The following R3HCC1L variants were observed in gnomAD, a reference collection of about 807,000 sequenced individuals.
The protein encoded by R3HCC1L is coiled-coil domain-containing protein R3HCC1L.
Under a neutral mutation model 59.9 loss-of-function variants are expected in R3HCC1L, and 51 were observed. The observed-to-expected ratio is 0.85, with a 90% confidence interval of 0.68 to 1.07. The LOEUF is 1.07. R3HCC1L is among the 50% of genes least tolerant of loss of function. The pLI is 0.00. For missense variants in R3HCC1L, 965 were observed against 933.0 expected (o/e 1.03, Z -0.45); for synonymous variants, 322 against 315.2 (o/e 1.02, Z -0.23).
chr10:98,158,342 A>G (rs1440472494), intron 2 of R3HCC1L, among the ~76,000 whole-genome samples: 1 of 152,202 alleles, frequency 6.6e-6, no homozygotes, highest in South Asian at 2.1e-4. Flanking sequence ...AATAATATCT[A>G]ACTCCCATTT....
chr10:98,188,841 T>C (rs920395165), intron 4 of R3HCC1L, among the ~76,000 whole-genome samples: 1 of 152,218 alleles, frequency 6.6e-6, no homozygotes, highest in African/African-American at 2.4e-5. Context: ...TGCCATATTC[T>C]AGTCCTTTGG....
chr10:98,207,914 C>A (rs1364508790), intron 4 of R3HCC1L, among the ~76,000 whole-genome samples, 187 bp from the exon 5 acceptor site: 1 of 152,080 alleles, frequency 6.6e-6, no homozygotes, highest in African/African-American at 2.4e-5. Context: ...GTCCTAGCTA[C>A]TCAGGAGGCA....
intron 5 of R3HCC1L, among the ~76,000 whole-genome samples, chr10:98,230,839 A>T (rs1856290110): frequency 6.6e-6 from 1 of 152,052 alleles, no homozygotes; most frequent in Admixed American, 6.6e-5. Context: ...TTCCAGTGTG[A>T]AGTTCAGCTT....
chr10:98,160,221 T>C (rs891679751), intron 2 of R3HCC1L, among the ~76,000 whole-genome samples: 9 of 152,226 alleles, frequency 5.9e-5, no homozygotes, highest in African/African-American at 1.7e-4. Flanking sequence ...AATGTTTGTT[T>C]ATAGTGTTTT....
At chr10:98,197,457 T>A (rs1851564270) in intron 4 of R3HCC1L, among the ~76,000 whole-genome samples, 1 of 152,220 alleles carries the variant, frequency 6.6e-6, no homozygotes, top group Non-Finnish European at 1.5e-5. Flanking sequence ...TGCTCCATTT[T>A]ACTCTGTAGC....
intron 4 of R3HCC1L, among the ~76,000 whole-genome samples, chr10:98,181,143 A>G (rs1381975792): frequency 6.6e-6 from 1 of 150,538 alleles, no homozygotes; most frequent in Non-Finnish European, 1.5e-5. Flanking sequence ...TCTTCCTAGC[A>G]TTGATGTTTT....
intron 5 of R3HCC1L, chr10:98,211,170 C>G (rs1853524079): frequency 1.8e-6 from 1 of 566,700 alleles, no homozygotes; most frequent in African/African-American, 1.9e-5. Context: ...TGTGTTTTTT[C>G]ATAGCTTTCA....
chr10:98,202,215 A>T (rs1021860921), intron 4 of R3HCC1L, among the ~76,000 whole-genome samples: 2 of 152,174 alleles, frequency 1.3e-5, no homozygotes, highest in Admixed American at 1.3e-4. Flanking sequence ...TGCAACCATC[A>T]CAGTAAAGAT....
At chr10:98,161,322 C>T (rs1250828683) in intron 2 of R3HCC1L, among the ~76,000 whole-genome samples, 1 of 152,066 alleles carries the variant, frequency 6.6e-6, no homozygotes, top group East Asian at 1.9e-4. Flanking sequence ...ATTTTTATAT[C>T]TTTTTGTGTG....
intron 2 of R3HCC1L, among the ~76,000 whole-genome samples, chr10:98,157,485 G>T (rs1462217968): frequency 6.6e-6 from 1 of 152,174 alleles, no homozygotes; most frequent in African/African-American, 2.4e-5. Context: ...TCTCAGGATC[G>T]CTCCTTTCAC....
rs7894300 is a variant in R3HCC1L, at chr10:98,214,902, C to T, written c.1785+5003C>T. On this transcript the variant is annotated intron_variant, in intron 5 of 9. Coordinates refer to ENST00000298999, the MANE Select transcript of R3HCC1L (RefSeq NM_001351015.2). Reference sequence around the variant, plus strand: ...ATCAACTCCTTAAACATTGATTTAGCGGTCTAGTCTAGCTCTAGTCTAGTC... The same window carrying T: ...ATCAACTCCTTAAACATTGATTTAGTGGTCTAGTCTAGCTCTAGTCTAGTC... Among the ~76,000 whole-genome samples, 1,042 of 152,248 alleles carry T rather than the reference C, an allele frequency of 6.8e-3. 17 individuals are homozygous for T. Among genetic ancestry groups the T allele is most frequent in the African/African-American group, 0.023 (944 of 41,548 alleles).
At chr10:98,160,538 A>T (rs570832753) in intron 2 of R3HCC1L, among the ~76,000 whole-genome samples, 19 of 152,342 alleles carry the variant, frequency 1.2e-4, no homozygotes, top group African/African-American at 4.3e-4. Flanking sequence ...CTGATATAAA[A>T]ACCGTGTTCA....
At chr10:98,203,689 T>C (rs1378744648) in intron 4 of R3HCC1L, among the ~76,000 whole-genome samples, 1 of 152,216 alleles carries the variant, frequency 6.6e-6, no homozygotes, top group Non-Finnish European at 1.5e-5. Flanking sequence ...GTTGATGTTC[T>C]GTTGTGAAAA....
chr10:98,196,142 ATTG>A (rs1851409001), intron 4 of R3HCC1L, among the ~76,000 whole-genome samples: 1 of 152,180 alleles, frequency 6.6e-6, no homozygotes, highest in South Asian at 2.1e-4. Context: ...CAAAGCAGGT[ATTG>A]TTAGAATTTC....
intron 2 of R3HCC1L, among the ~76,000 whole-genome samples, chr10:98,158,849 C>T (rs1188633893): frequency 1.3e-5 from 2 of 151,560 alleles, no homozygotes; most frequent in African/African-American, 4.9e-5. Context: ...CACTGTTGCC[C>T]AGGCTGGAGT....
chr10:98,226,084 C>T (rs976790861), intron 5 of R3HCC1L, among the ~76,000 whole-genome samples: 6 of 152,158 alleles, frequency 3.9e-5, no homozygotes, highest in Admixed American at 2.6e-4. Context: ...AAGCAGTTTG[C>T]CTGCCTGGGC....
chr10:98,182,867 G>A (rs911772145), intron 4 of R3HCC1L, among the ~76,000 whole-genome samples: 1 of 152,196 alleles, frequency 6.6e-6, no homozygotes, highest in Non-Finnish European at 1.5e-5. Flanking sequence ...ATAATCTCCT[G>A]GTGTGCCGTT....
At chr10:98,236,837 TCTGGTGTGGCA>T (rs1857021220) in intron 9 of R3HCC1L, among the ~76,000 whole-genome samples, 1 of 152,216 alleles carries the variant, frequency 6.6e-6, no homozygotes, top group Admixed American at 6.5e-5. Flanking sequence ...GGCTTGGGAC[TCTGGTGTGGCA>T]CTTAAGTACT....
chr10:98,244,247 A>C lies in R3HCC1L; in HGVS notation c.*89A>C. The C allele has an allele frequency of 7.9e-7, 1 of 1,258,630 alleles. No individual in the cohort carries two copies. The highest frequency in any genetic ancestry group is 1.2e-6 in the Non-Finnish European group (1 of 867,946). The allele number at this position is 1,258,630 out of a possible 1,614,324, so 78.0% of individuals were successfully genotyped here. A position where few individuals can be genotyped will look rare whatever the true frequency, so the allele number is the denominator to read the frequency against. On this transcript the variant is annotated 3_prime_UTR_variant, in exon 10 of 10. Transcript: ENST00000298999. ...ATGATCCTTCCAGAGCTCTATGTAC[A>C]TGCAGATGTGCATGTTAAAGAGATA...
Sources: gnomAD v4.1 joint callset for allele counts (sites outside exome capture counted in the v4.1 genomes callset) on GRCh38, gnomAD v4.1.1 for gene constraint, MANE v1.5 for transcripts, NCBI Gene and HGNC (gene_info 2026-07-23, HGNC 2026-07-21) for gene names.